DLC1: variants seen among roughly 807,000 people sequenced by gnomAD.
The protein encoded by DLC1 is rho GTPase-activating protein 7.
Under a neutral mutation model 140.3 loss-of-function variants are expected in DLC1, and 54 were observed. That is an observed-to-expected ratio of 0.38 (90% CI 0.31 to 0.48). The LOEUF (loss-of-function observed/expected upper bound fraction) is 0.48. DLC1 is among the 20% of genes least tolerant of loss of function. The probability of loss-of-function intolerance (pLI) is 0.96; values close to 1 mark genes in which losing one functional copy is unlikely to be tolerated. For synonymous variants in DLC1, 986 were observed against 728.1 expected (o/e 1.35, Z -5.70); for missense variants, 2,536 against 1,907.0 (o/e 1.33, Z -6.14).
intron 5 of DLC1, among the ~76,000 whole-genome samples, chr8:13,267,000 C>A (rs1191039473): frequency 1.3e-5 from 2 of 152,154 alleles, no homozygotes; most frequent in African/African-American, 2.4e-5. Context: ...TTTACCAACT[C>A]ATTTGTCCAG....
chr8:13,503,800 A>T (rs1352363293), intron 1 of DLC1, among the ~76,000 whole-genome samples: 1 of 152,198 alleles, frequency 6.6e-6, no homozygotes, highest in Non-Finnish European at 1.5e-5. Context: ...GAAGCTTACC[A>T]ATTTTGTGGG....
At chr8:13,276,435 C>G (rs1831169294) in intron 5 of DLC1, 1 of 1,426,336 alleles carries the variant, frequency 7.0e-7, no homozygotes, top group Non-Finnish European at 9.1e-7. Context: ...GCCCGGGCGC[C>G]GCGACCATGC....
At chr8:13,294,908 A>T (rs1368718736) in intron 5 of DLC1, among the ~76,000 whole-genome samples, 2 of 152,142 alleles carry the variant, frequency 1.3e-5, no homozygotes, top group Non-Finnish European at 2.9e-5. Flanking sequence ...TCGCTAGGGG[A>T]TTAATTGAGT....
Position 13,417,102 on chromosome 8 carries a change from C to T in DLC1, c.1024-15483G>A, listed in dbSNP as rs138913352. On this transcript the variant is annotated intron_variant, in intron 2 of 17. Coordinates refer to ENST00000276297, the MANE Select transcript of DLC1 (RefSeq NM_182643.3). ...TCAACAATTATTTCTAATCAGATGA[C>T]TTTAAATAGATCAAGCTGTACTAGA... Among the ~76,000 whole-genome samples, 271 of 152,154 alleles carry T rather than the reference C, an allele frequency of 1.8e-3. 1 individual carries two copies. The highest frequency in any genetic ancestry group is 6.3e-3 in the African/African-American group (263 of 41,528).
chr8:13,130,270 AT>A (rs1821970212), intron 5 of DLC1, among the ~76,000 whole-genome samples: 1 of 152,236 alleles, frequency 6.6e-6, no homozygotes, highest in Non-Finnish European at 1.5e-5. Context: ...ATTGGAAGGC[AT>A]CTCAACTGTG....
intron 1 of DLC1, among the ~76,000 whole-genome samples, chr8:13,521,628 A>G (rs557926419): frequency 2.0e-5 from 3 of 152,290 alleles, no homozygotes; most frequent in African/African-American, 7.2e-5. Context: ...TCTGAGATTC[A>G]TTCTAACTAG....
chr8:13,322,192 T>G (rs116189276), intron 4 of DLC1, among the ~76,000 whole-genome samples: 4,282 of 152,278 alleles, frequency 0.028, 89 homozygotes, highest in African/African-American at 0.061. Flanking sequence ...TCTTAAAACA[T>G]TTATAATATT....
intron 1 of DLC1, among the ~76,000 whole-genome samples, chr8:13,598,900 A>C (rs1805771777): frequency 6.6e-6 from 1 of 151,782 alleles, no homozygotes; most frequent in African/African-American, 2.4e-5. Flanking sequence ...CAGAACTAAT[A>C]TTTTCATTAT....
intron 1 of DLC1, among the ~76,000 whole-genome samples, chr8:13,572,244 C>A (rs1283456947): frequency 6.6e-6 from 1 of 151,946 alleles, no homozygotes; most frequent in African/African-American, 2.4e-5. Context: ...TGCCTGCCAC[C>A]ACGCCCAGCT....
rs1352378990 is a variant in DLC1 at position 13,221,704 on chromosome 8, GTGTGTATA to G, written c.1348+83557_1348+83564del. 5.7e-3 allele frequency among the ~76,000 whole-genome samples: 674 copies of G among 119,062 alleles called. 9 individuals carry two copies. The highest frequency in any genetic ancestry group is 0.021 in the African/African-American group (638 of 30,118). The allele number at this position is 119,062 out of a possible 152,430, so 78.1% of individuals were successfully genotyped here. On this transcript the variant is annotated intron_variant, in intron 5 of 17. Transcript: ENST00000276297. ...TTTGTGTGTGTGTGTGTGTATATGT[GTGTGTATA>G]TGTGTGTGTGTGTGTATATATATAT...
intron 1 of DLC1, among the ~76,000 whole-genome samples, chr8:13,602,682 G>A (rs563042631): frequency 6.6e-6 from 1 of 151,852 alleles, no homozygotes; most frequent in Non-Finnish European, 1.5e-5. Context: ...GAATTTTTAT[G>A]TATCTTAAAA....
intron 4 of DLC1, chr8:13,342,637 G>A (rs764520870): frequency 1.3e-5 from 2 of 152,254 alleles, no homozygotes; most frequent in Admixed American, 6.5e-5. Context: ...AAGGAATTGG[G>A]ACTAAAGACT....
At chr8:13,177,696 C>CT (rs1233349895) in intron 5 of DLC1, among the ~76,000 whole-genome samples, 2 of 152,088 alleles carry the variant, frequency 1.3e-5, no homozygotes, top group East Asian at 3.9e-4. Context: ...TTCATTTTTG[C>CT]TTTTTTATAT....
At chr8:13,375,724 A>AT (rs148524527) in intron 4 of DLC1, among the ~76,000 whole-genome samples, 60,985 of 144,764 alleles carry the variant, frequency 0.42, 12,947 homozygotes, top group East Asian at 0.74. Flanking sequence ...CTGTTATTTT[A>AT]TTTTATTTTT....
intron 5 of DLC1, chr8:13,276,428 C>A (rs767399307): frequency 5.6e-6 from 8 of 1,433,238 alleles, no homozygotes; most frequent in Non-Finnish European, 7.3e-6. Flanking sequence ...CAGCGCAGCC[C>A]GGGCGCCGCG....
chr8:13,537,432 C>T (rs2117321509), intron 1 of DLC1, among the ~76,000 whole-genome samples: 2 of 152,212 alleles, frequency 1.3e-5, no homozygotes, highest in East Asian at 1.9e-4. Context: ...GTCTGAAATG[C>T]AGCTGAGAAT....
At chr8:13,281,769 A>G (rs1831373693) in intron 5 of DLC1, among the ~76,000 whole-genome samples, 1 of 152,192 alleles carries the variant, frequency 6.6e-6, no homozygotes, top group Non-Finnish European at 1.5e-5. Context: ...GTTAGGGAAG[A>G]GAGAAGGACT....
At chr8:13,520,196 C>G (rs903509294) in intron 1 of DLC1, among the ~76,000 whole-genome samples, 14 of 152,182 alleles carry the variant, frequency 9.2e-5, no homozygotes, top group Non-Finnish European at 2.1e-4. Flanking sequence ...TGGCAATATT[C>G]ACAATAGAAA....
At chr8:13,238,379 G>A (rs1004709699) in intron 5 of DLC1, among the ~76,000 whole-genome samples, 6 of 152,092 alleles carry the variant, frequency 3.9e-5, no homozygotes, top group Admixed American at 3.9e-4. Flanking sequence ...TGGGCATGGT[G>A]ACGCACACCT....
Sources: gnomAD v4.1 joint callset for allele counts (sites outside exome capture counted in the v4.1 genomes callset) on GRCh38, gnomAD v4.1.1 for gene constraint, MANE v1.5 for transcripts, NCBI Gene and HGNC (gene_info 2026-07-23, HGNC 2026-07-21) for gene names.